The following GPR39 variants were observed in gnomAD, a reference collection of about 807,000 sequenced individuals.
GPR39 encodes the protein G protein-coupled receptor 39.
A neutral mutation model predicts 18.4 loss-of-function variants in GPR39; 23 were observed. That is an observed-to-expected ratio of 1.25 (90% CI 0.90 to 1.77). The LOEUF is 1.77. GPR39 is among the 40% of genes most tolerant of loss of function. GPR39 has a pLI of 0.00. For missense variants in GPR39, 647 were observed against 602.4 expected (o/e 1.07, Z -0.78); for synonymous variants, 280 against 257.9 (o/e 1.09, Z -0.82).
At chr2:132,516,007 C>T (rs917625294) in intron 1 of GPR39, among the ~76,000 whole-genome samples, 4 of 152,130 alleles carry the variant, frequency 2.6e-5, no homozygotes, top group African/African-American at 9.7e-5. Context: ...GTTAATCTGT[C>T]TCCTGTTATC....
At chr2:132,519,443 A>C (rs7605888) in intron 1 of GPR39, among the ~76,000 whole-genome samples, 1 of 152,216 alleles carries the variant, frequency 6.6e-6, no homozygotes, top group Non-Finnish European at 1.5e-5. Flanking sequence ...CTCTTTGGCA[A>C]TGTTCCTGAG....
At chr2:132,475,342 T>C (rs1157321246) in intron 1 of GPR39, among the ~76,000 whole-genome samples, 1 of 151,802 alleles carries the variant, frequency 6.6e-6, no homozygotes. Flanking sequence ...TGTATATCAC[T>C]GTGCATGCAT....
At chr2:132,557,347 A>AT (rs1558838688) in intron 1 of GPR39, among the ~76,000 whole-genome samples, 2 of 152,096 alleles carry the variant, frequency 1.3e-5, no homozygotes, top group African/African-American at 4.8e-5. Context: ...AACTTGTAGG[A>AT]TTTTTTAGTG....
intron 1 of GPR39, among the ~76,000 whole-genome samples, chr2:132,449,360 C>G (rs1404192556): frequency 6.6e-6 from 1 of 152,190 alleles, no homozygotes; most frequent in East Asian, 1.9e-4. Context: ...GATTCTCCAG[C>G]CTCAGCCTCC....
chr2:132,535,694 G>GTTTTTTTTTTTTTT (rs1252242856), intron 1 of GPR39, among the ~76,000 whole-genome samples: 5 of 60,974 alleles, frequency 8.2e-5, no homozygotes, highest in East Asian at 2.4e-3. Context: ...CTGGTCCTGG[G>GTTTTTTTTTTTTTT]CTTTTTTTTT....
chr2:132,646,354 C>CA lies in GPR39; in HGVS notation c.*751dup. The CA allele has an allele frequency of 1.9e-6, 2 of 1,035,636 alleles. No homozygotes were observed. The highest frequency in any genetic ancestry group is 2.6e-6 in the Non-Finnish European group (2 of 758,878). The allele number at this position is 1,035,636 out of a possible 1,614,324, so 64.2% of individuals were successfully genotyped here. On this transcript the variant is annotated 3_prime_UTR_variant, in exon 2 of 2. Transcript: ENST00000329321. ...ATAGCTGTCCCTCTCAGCCCAAATC[C>CA]AAACGGACAGCTCTTCCTTACTCCT...
At chr2:132,464,819 G>T (rs1314230309) in intron 1 of GPR39, among the ~76,000 whole-genome samples, 4 of 152,178 alleles carry the variant, frequency 2.6e-5, no homozygotes, top group African/African-American at 9.7e-5. Flanking sequence ...TCCAAATGTA[G>T]AGGTGCTCTT....
At chr2:132,433,710 C>A (rs1680262621) in intron 1 of GPR39, 1 of 149,658 alleles carries the variant, frequency 6.7e-6, no homozygotes, top group South Asian at 2.2e-4. Context: ...CCGTCACTTG[C>A]AAGAAGTATT....
chr2:132,491,377 G>A (rs1681456794), intron 1 of GPR39, among the ~76,000 whole-genome samples: 2 of 151,682 alleles, frequency 1.3e-5, no homozygotes, highest in African/African-American at 2.4e-5. Context: ...TTTAATCTTG[G>A]GCCTAATTCT....
chr2:132,597,979 CT>C (rs1409713455), intron 1 of GPR39, among the ~76,000 whole-genome samples: 3 of 152,178 alleles, frequency 2.0e-5, no homozygotes, highest in African/African-American at 7.2e-5. Context: ...CTGAGAAGTG[CT>C]GAACCAGCAC....
chr2:132,478,290 C>T (rs1681168121), intron 1 of GPR39, among the ~76,000 whole-genome samples: 1 of 152,174 alleles, frequency 6.6e-6, no homozygotes, highest in Admixed American at 6.5e-5. Flanking sequence ...AATAAAGTGT[C>T]CAGAATAGTG....
chr2:132,553,347 G>GTA (rs983985487), intron 1 of GPR39, among the ~76,000 whole-genome samples: 7 of 137,298 alleles, frequency 5.1e-5, no homozygotes, highest in East Asian at 3.3e-4. Flanking sequence ...ATGTATATGT[G>GTA]TATATATATA....
At chr2:132,584,080 G>A (rs371711275) in intron 1 of GPR39, among the ~76,000 whole-genome samples, 1 of 152,042 alleles carries the variant, frequency 6.6e-6, no homozygotes, top group East Asian at 1.9e-4. Flanking sequence ...GAGGGGTGGG[G>A]TAGGGATTTG....
chr2:132,426,566 G>A (rs564675565), intron 1 of GPR39, among the ~76,000 whole-genome samples: 11 of 152,220 alleles, frequency 7.2e-5, no homozygotes, highest in Non-Finnish European at 1.2e-4. Context: ...TGGAAAAAGT[G>A]TGTCAGGGAG....
intron 1 of GPR39, among the ~76,000 whole-genome samples, chr2:132,630,659 C>G (rs1681633790): frequency 6.6e-6 from 1 of 152,078 alleles, no homozygotes; most frequent in African/African-American, 2.4e-5. Flanking sequence ...AGACTTCTGC[C>G]TGGTGTAAGC....
intron 1 of GPR39, among the ~76,000 whole-genome samples, chr2:132,509,226 C>T (rs1679188898): frequency 1.3e-5 from 2 of 152,174 alleles, no homozygotes; most frequent in African/African-American, 4.8e-5. Context: ...TAGTAACCAG[C>T]TCAATGTATG....
In GPR39 at chr2:132,645,420, G is replaced by T. The variant is rs769121231; in HGVS notation, c.1176G>T (p.Leu392Phe). 5.6e-6 allele frequency: 9 copies of T among 1,613,374 alleles called. No homozygotes were observed. In the African/African-American group the frequency reaches 9.3e-5, roughly 17 times the overall value. The change falls in exon 2 of 2, where the codon TTG (leucine) becomes TTT (phenylalanine). Residue 392 changes from leucine (L) to phenylalanine (F), a missense_variant. Coordinates refer to ENST00000329321, the MANE Select transcript of GPR39 (RefSeq NM_001508.3). ...GCGCCCGCTTTGTGCAGCGCCCGTTGCTCTTCGCGTCCCGGCGCCAGTCCT... is the reference window on the plus strand; with the variant it reads ...GCGCCCGCTTTGTGCAGCGCCCGTTTCTCTTCGCGTCCCGGCGCCAGTCCT... ...TDSARFVQRP[L>F]LFASRRQSSA... is the part of the protein sequence containing the mutation.
At chr2:132,619,656 TGGGA>T (rs1681399143) in intron 1 of GPR39, among the ~76,000 whole-genome samples, 2 of 152,164 alleles carry the variant, frequency 1.3e-5, no homozygotes, top group African/African-American at 4.8e-5. Flanking sequence ...CACAGCCTCC[TGGGA>T]GGAAAGGTGG....
At chr2:132,641,516 C>T (rs1210855152) in intron 1 of GPR39, among the ~76,000 whole-genome samples, 1 of 152,144 alleles carries the variant, frequency 6.6e-6, no homozygotes, top group Non-Finnish European at 1.5e-5. Flanking sequence ...ACTGTAGACA[C>T]TAGCCACATG....
Sources: allele counts gnomAD v4.1 joint callset (sites outside exome capture counted in the v4.1 genomes callset), GRCh38; gene constraint gnomAD v4.1.1; transcripts MANE v1.5; gene names NCBI Gene and HGNC (gene_info 2026-07-23, HGNC 2026-07-21).